The following TMBIM1 variants were observed in gnomAD, a reference collection of about 807,000 sequenced individuals.
TMBIM1 encodes transmembrane BAX inhibitor motif containing 1.
TMBIM1 carries 34 observed loss-of-function variants against 45.1 expected under a neutral mutation model. The ratio of observed to expected loss-of-function variants is 0.75; its 90% CI spans 0.57 to 1.00. The LOEUF is 1.00. Among genes scored for constraint, TMBIM1 ranks in the 50% least tolerant of loss-of-function variants. TMBIM1 has a pLI of 0.00. For missense variants in TMBIM1, 374 were observed against 402.4 expected, an observed-to-expected ratio of 0.93 and a Z score of 0.60; for synonymous variants, 157 against 153.5, an observed-to-expected ratio of 1.02 and a Z score of -0.17.
chr2:218,289,457 C>A (rs1322052463), intron 1 of TMBIM1, among the ~76,000 whole-genome samples: 2 of 151,964 alleles, frequency 1.3e-5, no homozygotes, highest in African/African-American at 4.8e-5. Flanking sequence ...GCCTGGCCAA[C>A]ATGGTGAAAC....
intron 2 of TMBIM1, among the ~76,000 whole-genome samples, chr2:218,281,737 G>C (rs77010107): frequency 0.033 from 5,047 of 152,316 alleles, 85 homozygotes; most frequent in African/African-American, 0.039. Flanking sequence ...TTGAACAAAG[G>C]GGGCAGCAAG....
intron 2 of TMBIM1, chr2:218,281,141 G>GTTTTTTTTTTTTTGGT (rs71856767): frequency 1.0e-5 from 1 of 95,700 alleles, no homozygotes; most frequent in Non-Finnish European, 1.8e-5. Context: ...TTTTTTTTTG[G>GTTTTTTTTTTTTTGGT]TTTTTTTTTT....
intron 2 of TMBIM1, chr2:218,280,357 C>CA (rs1691772895): frequency 2.1e-6 from 1 of 477,874 alleles, no homozygotes; most frequent in African/African-American, 2.0e-5. Context: ...CTGTGGAGGG[C>CA]TCCTGTGTGC....
intron 1 of TMBIM1, chr2:218,286,697 G>C (rs995078307): frequency 1.9e-4 from 29 of 152,294 alleles, no homozygotes; most frequent in Admixed American, 1.4e-3. Context: ...GGCTCTCCTG[G>C]GGGTATTTGA....
rs1031657480 is a variant in TMBIM1 at position 218,275,624 on chromosome 2, G to A, written c.790-3C>T. 1.9e-6 allele frequency: 3 copies of A among 1,608,730 alleles called. No homozygotes were observed. Among genetic ancestry groups the A allele is most frequent in the Non-Finnish European group, 2.5e-6 (3 of 1,178,134 alleles). On this transcript the variant is annotated splice_region_variant and splice_polypyrimidine_tract_variant and intron_variant, in intron 11 of 11. Transcript: ENST00000258412. ...AGCTGTGTGTCGTAAGCCAGGAACT[G>A]CAAGGATAGGGAAGCCAGAAGTGAG...
intron 1 of TMBIM1, among the ~76,000 whole-genome samples, chr2:218,291,732 C>T (rs1202591867): frequency 6.6e-6 from 1 of 152,168 alleles, no homozygotes; most frequent in Non-Finnish European, 1.5e-5. Context: ...CTTGCTTTCC[C>T]TTTTCCCGTT....
chr2:218,279,433 C>A, intron 3 of TMBIM1, 80 bp from the exon 4 acceptor site: 1 of 1,319,108 alleles, frequency 7.6e-7, no homozygotes, highest in Non-Finnish European at 1.0e-6. Flanking sequence ...CCAGTACTTT[C>A]CTCCCACTCA....
At chr2:218,284,281 G>A (rs1238516567) in intron 1 of TMBIM1, 1 of 152,238 alleles carries the variant, frequency 6.6e-6, no homozygotes, top group African/African-American at 2.4e-5. Flanking sequence ...GAAATAAGGT[G>A]GGGGCGACAC....
At chr2:218,278,907 C>A (rs529875532) in intron 5 of TMBIM1, 131 bp downstream of exon 5, 2 of 1,040,318 alleles carry the variant, frequency 1.9e-6, no homozygotes, top group Non-Finnish European at 2.9e-6. Flanking sequence ...CCCTCTGGCA[C>A]GGGAAACTGG....
intron 1 of TMBIM1, among the ~76,000 whole-genome samples, chr2:218,285,089 C>A (rs1433440056): frequency 6.6e-6 from 1 of 152,004 alleles, no homozygotes; most frequent in Non-Finnish European, 1.5e-5. Context: ...GACTTTGTCT[C>A]GAAGAAAATA....
intron 2 of TMBIM1, 56 bp downstream of exon 2, chr2:218,281,883 AT>A: frequency 2.1e-6 from 3 of 1,415,770 alleles, no homozygotes; most frequent in Non-Finnish European, 2.9e-6. Flanking sequence ...CGGTGGCCTC[AT>A]CTGCTCCAAG....
chr2:218,279,921 T>C (rs1574637746), intron 3 of TMBIM1, 105 bp downstream of exon 3: 2 of 830,002 alleles, frequency 2.4e-6, no homozygotes, highest in Non-Finnish European at 4.2e-6. Flanking sequence ...AGGCAGCCAG[T>C]GTATTTCATG....
intron 1 of TMBIM1, among the ~76,000 whole-genome samples, chr2:218,292,084 C>G (rs999123910): frequency 6.6e-6 from 1 of 152,152 alleles, no homozygotes; most frequent in African/African-American, 2.4e-5. Flanking sequence ...CCATGAAAGC[C>G]CTCATCCCAC....
At chr2:218,280,386 G>A (rs899283724) in intron 2 of TMBIM1, 9 of 412,982 alleles carry the variant, frequency 2.2e-5, no homozygotes, top group Non-Finnish European at 4.0e-5. Flanking sequence ...CGCCACTGGG[G>A]GTTCACTGGG....
At position 218,278,548 on chromosome 2, in the gene TMBIM1, G is replaced by C. The variant is rs746804635; in HGVS notation, c.440C>G (p.Thr147Ser). 3 of 1,614,196 alleles carry C rather than the reference G, an allele frequency of 1.9e-6. No individual in the cohort carries two copies. The highest frequency in any genetic ancestry group is 2.5e-6 in the Non-Finnish European group (3 of 1,180,026). The change falls in exon 6 of 12, where the codon ACC becomes AGC. Residue 147 changes from threonine to serine, a missense_variant. Thr to Ser is a moderately conservative substitution (Grantham distance 58, BLOSUM62 1). Coordinates refer to ENST00000258412, the MANE Select transcript of TMBIM1 (RefSeq NM_022152.6). The part of the protein sequence containing the change: ...YYVSYAVFVV[T>S]YLILACCQGP... ...CTGGCAGCAGGCAAGGATCAGGTAG[G>C]TGACAACGAAGACAGCACTAGGGAC...
chr2:218,278,345 C>T (rs1263689648), intron 6 of TMBIM1, 170 bp downstream of exon 6: 14 of 690,950 alleles, frequency 2.0e-5, no homozygotes, highest in Middle Eastern at 4.9e-4. Flanking sequence ...AGCTCCTAAA[C>T]ACACATGGTC....
At chr2:218,277,593 TAC>T (rs1691357177) in intron 8 of TMBIM1, 38 bp downstream of exon 8, 1 of 1,613,718 alleles carries the variant, frequency 6.2e-7, no homozygotes, top group Non-Finnish European at 8.5e-7. Context: ...CTCCCCACAA[TAC>T]ACATTTCCCA....
In TMBIM1 at chr2:218,280,041, G is replaced by T. The variant is rs1691713853; in HGVS notation, c.288C>A (p.His96Gln). The change falls in exon 3 of 12, where the codon CAC (histidine) becomes CAA (glutamine). Residue 96 changes from histidine (H) to glutamine (Q), a missense_variant. Transcript: ENST00000258412. ...CGTATCTTACCTTTCGGATAAAAGTGTGTCGCACTTTCCGGTCATCCCACT... is the reference window on the plus strand; with the variant it reads ...CGTATCTTACCTTTCGGATAAAAGTTTGTCGCACTTTCCGGTCATCCCACT... ...PGEWDDRKVRHTFIRKVYSII... is the reference protein window; with the variant it reads ...PGEWDDRKVRQTFIRKVYSII... The T allele has an allele frequency of 6.2e-7, 1 of 1,613,958 alleles. No homozygotes were observed. The highest frequency in any genetic ancestry group is 8.5e-7 in the Non-Finnish European group (1 of 1,179,940).
intron 1 of TMBIM1, chr2:218,284,258 G>A (rs1045748087): frequency 1.3e-5 from 2 of 152,006 alleles, no homozygotes; most frequent in Non-Finnish European, 2.9e-5. Flanking sequence ...ACCTCCTCAG[G>A]GTGCACCTCT....
Sources: gnomAD v4.1 joint callset for allele counts (sites outside exome capture counted in the v4.1 genomes callset) on GRCh38, gnomAD v4.1.1 for gene constraint, MANE v1.5 for transcripts, NCBI Gene and HGNC (gene_info 2026-07-23, HGNC 2026-07-21) for gene names.